MEFV: variants seen among roughly 807,000 people sequenced by gnomAD.
MEFV encodes the protein pyrin.
MEFV carries 60 observed loss-of-function variants against 62.5 expected under a neutral mutation model. The observed-to-expected ratio is 0.96, with a 90% CI of 0.78 to 1.19. The LOEUF is 1.19. Ranked by LOEUF, MEFV falls within the 50% of genes most tolerant of loss-of-function variation. The pLI, the probability that MEFV is intolerant of heterozygous loss-of-function variation, is 0.00. For synonymous variants in MEFV, 500 were observed against 415.2 expected (o/e 1.20, Z -2.48); for missense variants, 1,169 against 1,004.5 (o/e 1.16, Z -2.21).
Position 3,242,852 on chromosome 16 carries a change from C to G in MEFV, c.*289G>C. 2.1e-6 allele frequency: 1 copy of G among 469,266 alleles called. No homozygotes were observed. The highest frequency in any genetic ancestry group is 2.0e-5 in the South Asian group (1 of 49,048). The allele number at this position is 469,266 out of a possible 1,614,324, so 29.1% of individuals were successfully genotyped here. ...GAAAATGAGGGCCAAATCTTCTGTTCAGGAGCACCTGAGAGTGCCACCCAC... is the reference window on the plus strand; with the variant it reads ...GAAAATGAGGGCCAAATCTTCTGTTGAGGAGCACCTGAGAGTGCCACCCAC... On this transcript the variant is annotated 3_prime_UTR_variant, in exon 10 of 10. Transcript: ENST00000219596.
At position 3,244,277 on chromosome 16, in the gene MEFV, C is replaced by T. The variant is rs574055513; in HGVS notation, c.1736G>A (p.Arg579His). ...KSTKYFSETL[R>H]SEMEMFNVPE... ...ACCATTGAACATTTCCATTTCTGAA[C>T]GCAGGGTTTCTAAAATGTGGGAAAG... Residue 579 changes from arginine to histidine, a missense_variant, in exon 8 of 10, where the codon CGT becomes CAT. Coordinates refer to ENST00000219596, the MANE Select transcript of MEFV (RefSeq NM_000243.3). 38 of 1,614,050 alleles carry T rather than the reference C, an allele frequency of 2.4e-5. No individual in the cohort carries two copies. Among genetic ancestry groups the T allele is most frequent in the African/African-American group, 1.1e-4 (8 of 75,006 alleles).
Position 3,243,120 on chromosome 16 carries a change from G to A in MEFV, c.*21C>T. The A allele has an allele frequency of 2.5e-6, 4 of 1,611,334 alleles. No homozygotes were observed. The highest frequency in any genetic ancestry group is 3.4e-6 in the Non-Finnish European group (4 of 1,178,840). ...CAAGATACAAGGCCAGAAGCAGGAA[G>A]AGAGATGCAGTGTTGGGCATTCAGT... On this transcript the variant is annotated 3_prime_UTR_variant, in exon 10 of 10. Coordinates refer to ENST00000219596, the MANE Select transcript of MEFV (RefSeq NM_000243.3).
At chr16:3,244,402 G>C in intron 7 of MEFV, 71 bp downstream of exon 7, 4 of 1,583,952 alleles carry the variant, frequency 2.5e-6, no homozygotes, top group South Asian at 1.1e-5. Context: ...GGGAAGTGAG[G>C]GGCTCTGGGC....
chr16:3,254,641 G>C lies in MEFV; in HGVS notation c.427C>G (p.Arg143Gly), dbSNP rs771318049. The C allele has an allele frequency of 6.2e-7, 1 of 1,607,248 alleles. No homozygotes were observed. Residue 143 changes from arginine to glycine, a missense_variant, in exon 2 of 10, where the codon CGG (arginine) becomes GGG (glycine). Arg to Gly is a moderately radical substitution (Grantham distance 125). Transcript: ENST00000219596. ...CTCCCGGCCTCGGGCTGGCTGCACC[G>C]CAGGCTGGCAGCTCCGCCCCCGTAC... ...RPYGGGAASL[R>G]CSQPEAGRGL...
In MEFV at chr16:3,243,251, A is replaced by G. The variant is rs1407457811; in HGVS notation, c.2236T>C (p.Cys746Arg). The change falls in exon 10 of 10, where the codon TGC (cysteine) becomes CGC (arginine). Residue 746 changes from cysteine (C) to arginine (R), a missense_variant. Physicochemically the swap from Cys to Arg is radical, Grantham distance 180. Transcript: ENST00000219596. The stretch of plus-strand genomic sequence containing the variant: ...GGTTGAAGGGGCCCAGAGAAAGAGC[A>G]GCTGGCGAATGTATAGATGTGGGAT... Reference protein sequence around the residue: ...ARSHIYTFASCSFSGPLQPIF... With the variant: ...ARSHIYTFASRSFSGPLQPIF... 14 of 1,614,242 alleles carry G rather than the reference A, an allele frequency of 8.7e-6. No individual in the cohort carries two copies. The highest frequency in any genetic ancestry group is 1.2e-5 in the Non-Finnish European group (14 of 1,180,046).
intron 4 of MEFV, chr16:3,248,655 T>G: frequency 3.6e-6 from 4 of 1,116,576 alleles, no homozygotes; most frequent in Admixed American, 3.2e-5. Flanking sequence ...GTCACCGGCA[T>G]AGGTTGCTCT....
intron 6 of MEFV, among the ~76,000 whole-genome samples, chr16:3,245,053 G>C (rs531009568): frequency 1.3e-5 from 2 of 151,914 alleles, no homozygotes; most frequent in African/African-American, 4.8e-5. Context: ...TCAGGAGGCC[G>C]GGGCAGTGGG....
chr16:3,249,210 C>A (rs1958992567), intron 3 of MEFV, among the ~76,000 whole-genome samples: 1 of 152,228 alleles, frequency 6.6e-6, no homozygotes. Flanking sequence ...CTCTGAGCCT[C>A]TGGATTCAGC....
chr16:3,247,411 C>T (rs1958959240), intron 4 of MEFV, 165 bp from the exon 5 acceptor site: 1 of 619,558 alleles, frequency 1.6e-6, no homozygotes, highest in African/African-American at 1.8e-5. Context: ...CTGGAACCTT[C>T]CAGAAAAGAC....
At position 3,247,014 on chromosome 16, in the gene MEFV, A is replaced by C; in HGVS notation, c.1587+2T>G. The C allele has an allele frequency of 6.2e-7, 1 of 1,614,038 alleles. No homozygotes were observed. The highest frequency in any genetic ancestry group is 8.5e-7 in the Non-Finnish European group (1 of 1,179,928). On this transcript the variant is annotated splice_donor_variant, in intron 5 of 9. Transcript: ENST00000219596. LOFTEE classifies it high-confidence loss of function. ...AAGAAAGCCGGGCCCAGGCACACCC[A>C]CCTGCAGAAGTTCCCATTCTGACTG...
At chr16:3,246,496 C>T (rs1159171813) in intron 6 of MEFV, 29 bp downstream of exon 6, 3 of 1,613,854 alleles carry the variant, frequency 1.9e-6, no homozygotes, top group Non-Finnish European at 2.5e-6. Context: ...GCAAGACACC[C>T]CAGGGTACAC....
chr16:3,252,577 A>G (rs1447458796), intron 2 of MEFV, among the ~76,000 whole-genome samples: 2 of 151,376 alleles, frequency 1.3e-5, no homozygotes, highest in African/African-American at 4.9e-5. Context: ...CCCGGCCTGG[A>G]CCCCCAATTC....
chr16:3,252,491 C>T (rs948559047), intron 2 of MEFV, among the ~76,000 whole-genome samples: 2 of 152,066 alleles, frequency 1.3e-5, no homozygotes, highest in Non-Finnish European at 2.9e-5. Flanking sequence ...GCAGGCTGGT[C>T]TCGAACTCCT....
rs224208 is a variant in MEFV at position 3,247,181 on chromosome 16, C to T, written c.1422G>A (p.Glu474=). The T allele has an allele frequency of 0.57, 912,465 of 1,613,184 alleles. 261,122 individuals carry two copies. The highest frequency in any genetic ancestry group is 0.71 in the South Asian group (65,005 of 91,070). The change falls in exon 5 of 10, where the codon GAG becomes GAA. Residue 474 remains glutamate, a synonymous_variant. Coordinates refer to ENST00000219596, the MANE Select transcript of MEFV (RefSeq NM_000243.3). The part of the protein sequence containing the change: ...RKLEQVYYFL[E]QQEHFFVASL... Reference sequence around the variant, plus strand: ...AGGCCACAAAGAAATGCTCTTGCTGCTCCAGGAAGTAGTACACCTGCTCCA... The same window carrying T: ...AGGCCACAAAGAAATGCTCTTGCTGTTCCAGGAAGTAGTACACCTGCTCCA...
intron 2 of MEFV, chr16:3,251,807 T>G (rs56354249): frequency 0.021 from 3,314 of 157,862 alleles, 125 homozygotes; most frequent in African/African-American, 0.076. Context: ...GTCCAAGAAC[T>G]ACCTGAAATT....
intron 4 of MEFV, 161 bp from the exon 5 acceptor site, chr16:3,247,407 C>A: frequency 1.6e-6 from 1 of 627,900 alleles, no homozygotes; most frequent in South Asian, 1.9e-5. Flanking sequence ...TTGTCTGGAA[C>A]CTTCCAGAAA....
At chr16:3,244,223 G>A (rs1958905139) in intron 8 of MEFV, 31 bp downstream of exon 8, 1 of 1,613,712 alleles carries the variant, frequency 6.2e-7, no homozygotes, top group African/African-American at 1.3e-5. Flanking sequence ...AACAACCCCA[G>A]GCCAGCACAC....
At chr16:3,250,850 C>T (rs140803908) in intron 2 of MEFV, among the ~76,000 whole-genome samples, 151 of 151,514 alleles carry the variant, frequency 1.0e-3, no homozygotes, top group Non-Finnish European at 1.4e-3. Context: ...ATGGTGAAAC[C>T]CTGTCTCTAC....
intron 2 of MEFV, among the ~76,000 whole-genome samples, chr16:3,253,877 C>T (rs1481382095): frequency 6.6e-6 from 1 of 152,148 alleles, no homozygotes. Flanking sequence ...TATGGAACTC[C>T]TGGGGTCAAG....
Sources: gnomAD v4.1 joint callset for allele counts (sites outside exome capture counted in the v4.1 genomes callset) on GRCh38, gnomAD v4.1.1 for gene constraint, MANE v1.5 for transcripts, NCBI Gene and HGNC (gene_info 2026-07-23, HGNC 2026-07-21) for gene names.